Variants in IQGAP2 observed in about 807,000 individuals in gnomAD.
IQGAP2 encodes IQ motif containing GTPase activating protein 2.
IQGAP2 carries 173 observed loss-of-function variants against 201.3 expected under a neutral mutation model. The observed-to-expected ratio is 0.86, with a 90% CI of 0.76 to 0.98. IQGAP2 has a LOEUF of 0.98. IQGAP2 is among the 50% of genes least tolerant of loss of function. The pLI is 0.00. For synonymous variants in IQGAP2, 675 were observed against 673.9 expected (o/e 1.00, Z -0.03); for missense variants, 1,687 against 1,864.8 (o/e 0.90, Z 1.76).
At chr5:76,530,911 G>T (rs1759253236) in intron 2 of IQGAP2, among the ~76,000 whole-genome samples, 1 of 152,162 alleles carries the variant, frequency 6.6e-6, no homozygotes, top group African/African-American at 2.4e-5. Context: ...CTGAAAAATG[G>T]CAGTCAGATT....
chr5:76,563,184 C>G (rs1744502318), intron 3 of IQGAP2, among the ~76,000 whole-genome samples: 1 of 152,106 alleles, frequency 6.6e-6, no homozygotes, highest in Non-Finnish European at 1.5e-5. Context: ...GAGCTATGAT[C>G]ACACCACTGC....
chr5:76,479,377 C>T (rs78549054), intron 2 of IQGAP2, among the ~76,000 whole-genome samples: 109 of 152,170 alleles, frequency 7.2e-4, no homozygotes, highest in African/African-American at 2.4e-3. Flanking sequence ...TTGTGAGGGA[C>T]GCTGATTCTG....
chr5:76,516,425 A>T (rs1425436833), intron 2 of IQGAP2, among the ~76,000 whole-genome samples: 1 of 152,212 alleles, frequency 6.6e-6, no homozygotes, highest in African/African-American at 2.4e-5. Flanking sequence ...TCAAGCTATA[A>T]CAAAACTTAA....
chr5:76,674,697 A>G lies in IQGAP2; in HGVS notation c.3515A>G (p.Tyr1172Cys), dbSNP rs887297055. Residue 1172 changes from tyrosine to cysteine, a missense_variant, in exon 27 of 36, where the codon TAT (tyrosine) becomes TGT (cysteine). Coordinates refer to ENST00000274364, the MANE Select transcript of IQGAP2 (RefSeq NM_006633.5). ...SSMNNYLSETYQEFRKYFKEA... is the reference protein window; with the variant it reads ...SSMNNYLSETCQEFRKYFKEA... ...ATGAACAATTATTTATCAGAGACGT[A>G]TCAGGAATTCAGGTGAGAGGGGCCC... 6.2e-6 allele frequency: 10 copies of G among 1,612,086 alleles called. No homozygotes were observed. The highest frequency in any genetic ancestry group is 1.3e-5 in the African/African-American group (1 of 74,888).
intron 2 of IQGAP2, among the ~76,000 whole-genome samples, chr5:76,538,862 A>G (rs941942501): frequency 1.3e-5 from 2 of 152,160 alleles, no homozygotes; most frequent in African/African-American, 4.8e-5. Flanking sequence ...AATGGGGAGC[A>G]AGGGACTAGT....
chr5:76,573,385 A>G (rs1035897129), intron 4 of IQGAP2, among the ~76,000 whole-genome samples: 1 of 152,212 alleles, frequency 6.6e-6, no homozygotes, highest in Non-Finnish European at 1.5e-5. Flanking sequence ...TCATTTATCA[A>G]TATTAAGTGC....
At chr5:76,604,794 G>A (rs975699843) in intron 11 of IQGAP2, among the ~76,000 whole-genome samples, 9 of 152,242 alleles carry the variant, frequency 5.9e-5, no homozygotes, top group Non-Finnish European at 1.2e-4. Context: ...TGCACTTGGC[G>A]AGGCCTCATT....
intron 1 of IQGAP2, among the ~76,000 whole-genome samples, chr5:76,428,754 G>T (rs1752157974): frequency 6.7e-6 from 1 of 150,212 alleles, no homozygotes; most frequent in Non-Finnish European, 1.5e-5. Flanking sequence ...CTGTAAGTGG[G>T]CAGCGTCTTT....
chr5:76,670,103 G>A (rs568127031), intron 23 of IQGAP2, among the ~76,000 whole-genome samples: 9 of 152,298 alleles, frequency 5.9e-5, no homozygotes, highest in East Asian at 1.9e-4. Context: ...GTGCATGCAC[G>A]TGAGGTCTGA....
chr5:76,511,716 T>C (rs1757977198), intron 2 of IQGAP2, among the ~76,000 whole-genome samples: 1 of 151,512 alleles, frequency 6.6e-6, no homozygotes, highest in East Asian at 1.9e-4. Context: ...AGTCTCGCTC[T>C]GTCGCCCAGG....
intron 16 of IQGAP2, among the ~76,000 whole-genome samples, chr5:76,639,659 C>G (rs369758949): frequency 6.6e-6 from 1 of 152,146 alleles, no homozygotes; most frequent in South Asian, 2.1e-4. Flanking sequence ...AAGTCAGCAT[C>G]AAAGATATCG....
chr5:76,617,276 C>G (rs1749071099), intron 13 of IQGAP2: 1 of 230,838 alleles, frequency 4.3e-6, no homozygotes, highest in Non-Finnish European at 8.6e-6. Context: ...GAAACCCCGT[C>G]TCTACTAAAA....
At chr5:76,532,106 G>A (rs919164220) in intron 2 of IQGAP2, among the ~76,000 whole-genome samples, 1 of 152,208 alleles carries the variant, frequency 6.6e-6, no homozygotes, top group African/African-American at 2.4e-5. Flanking sequence ...GAGTTTGAGG[G>A]GGACATAAGC....
At chr5:76,466,985 T>C (rs952731731) in intron 2 of IQGAP2, among the ~76,000 whole-genome samples, 1 of 152,208 alleles carries the variant, frequency 6.6e-6, no homozygotes, top group African/African-American at 2.4e-5. Context: ...GTGAGGTGGC[T>C]CACACCTGTA....
rs71604297 is a variant in IQGAP2 at position 76,610,050 on chromosome 5, T to TTCTCTCTCTCTCTCTCTCTCTCTCTC, written c.1358-968_1358-943dup. On this transcript the variant is annotated intron_variant, in intron 12 of 35. Transcript: ENST00000274364. The stretch of plus-strand genomic sequence containing the variant: ...CCCTATAGTCAGTCTTGTTCTCTCT[T>TTCTCTCTCTCTCTCTCTCTCTCTCTC]TCTCTCTCTCTCTCTCTCTCTCTCT... Among the ~76,000 whole-genome samples, 10 of 19,064 alleles carry TTCTCTCTCTCTCTCTCTCTCTCTCTC rather than the reference T, an allele frequency of 5.2e-4. 4 individuals are homozygous for TTCTCTCTCTCTCTCTCTCTCTCTCTC. Among genetic ancestry groups the TTCTCTCTCTCTCTCTCTCTCTCTCTC allele is most frequent in the Admixed American group, 4.4e-3 (4 of 906 alleles). 12.5% of individuals were successfully genotyped at this position (19,064 alleles called of 152,430 possible).
chr5:76,648,311 GGAGAACCTAGCCTTCTCCTC>G (rs1300521112), intron 17 of IQGAP2, among the ~76,000 whole-genome samples: 2 of 152,074 alleles, frequency 1.3e-5, no homozygotes, highest in African/African-American at 4.8e-5. Flanking sequence ...GAAACCAAAT[GGAGAACCTAGCCTTCTCCTC>G]CCACCTCCTA....
intron 12 of IQGAP2, 145 bp downstream of exon 12, chr5:76,606,448 GTAGATTT>G: frequency 1.8e-6 from 1 of 541,502 alleles, no homozygotes; most frequent in Non-Finnish European, 3.1e-6. Flanking sequence ...TTATTTATAG[GTAGATTT>G]TATGCCTATA....
intron 35 of IQGAP2, among the ~76,000 whole-genome samples, chr5:76,703,165 G>GT (rs70982629): frequency 0.3 from 33,417 of 111,508 alleles, 6,080 homozygotes; most frequent in Non-Finnish European, 0.34. Context: ...GGGGGTGGGG[G>GT]GGGGCATTGA....
intron 34 of IQGAP2, 140 bp downstream of exon 34, chr5:76,701,353 C>A: frequency 3.9e-6 from 3 of 778,214 alleles, no homozygotes; most frequent in Non-Finnish European, 6.5e-6. Context: ...ATTGTTATGG[C>A]TACTCTTCCC....
Sources: allele counts gnomAD v4.1 joint callset (sites outside exome capture counted in the v4.1 genomes callset), GRCh38; gene constraint gnomAD v4.1.1; transcripts MANE v1.5; gene names NCBI Gene and HGNC (gene_info 2026-07-23, HGNC 2026-07-21).